The following PUDP variants were observed in gnomAD, a reference collection of about 807,000 sequenced individuals.
The protein encoded by PUDP is pseudouridine 5'-phosphatase.
PUDP carries 8 observed loss-of-function variants against 9.4 expected under a neutral mutation model. The observed-to-expected ratio is 0.85, with a 90% CI of 0.50 to 1.53. The LOEUF (loss-of-function observed/expected upper bound fraction) is 1.53. Among genes scored for constraint, PUDP ranks in the 40% most tolerant of loss-of-function variants. PUDP has a pLI of 0.00. For synonymous variants in PUDP, 99 were observed against 80.7 expected, an observed-to-expected ratio of 1.23 and a Z score of -1.22; for missense variants, 188 against 189.7, an observed-to-expected ratio of 0.99 and a Z score of 0.05.
intron 3 of PUDP, among the ~76,000 whole-genome samples, chrX:6,968,058 C>A (rs377690479): frequency 8.9e-5 from 10 of 112,354 alleles, no homozygotes; most frequent in African/African-American, 2.9e-4. Flanking sequence ...TTTGTTGAAC[C>A]TAAGTATAAA....
rs193157227 is a variant in PUDP, at chrX:7,067,826, G to A, written c.510+9394C>T. Among the ~76,000 whole-genome samples, 9 of 111,607 alleles carry A rather than the reference G, an allele frequency of 8.1e-5. No homozygotes were observed. The East Asian group carries it at 8.4e-4, about 10-fold the overall frequency. ...TTCCCACATGTTATGGGAGGGACTCGGTGGAAGGTAATTGAATCAGGGGGG... is the reference window on the plus strand; with the variant it reads ...TTCCCACATGTTATGGGAGGGACTCAGTGGAAGGTAATTGAATCAGGGGGG... On this transcript the variant is annotated intron_variant, in intron 3 of 3. Transcript: ENST00000381077.
chrX:6,832,915 T>A (rs1453696432), intron 3 of PUDP, among the ~76,000 whole-genome samples: 1 of 111,052 alleles, frequency 9.0e-6, no homozygotes, highest in Non-Finnish European at 1.9e-5. Flanking sequence ...TGAATCAAGA[T>A]CTGCCTTAGA....
intron 1 of PUDP, among the ~76,000 whole-genome samples, chrX:7,127,688 T>C (rs1247393921): frequency 8.9e-6 from 1 of 112,440 alleles, no homozygotes; most frequent in African/African-American, 3.2e-5. Flanking sequence ...TATTATTTTA[T>C]TACTTGTACT....
chrX:7,022,422 T>C (rs569593349), intron 1 of PUDP, among the ~76,000 whole-genome samples: 1 of 112,029 alleles, frequency 8.9e-6, no homozygotes, highest in Middle Eastern at 4.7e-3. Flanking sequence ...AGATTTCCCA[T>C]GGTAGCTACA....
intron 1 of PUDP, among the ~76,000 whole-genome samples, chrX:6,999,372 A>G (rs1929293881): frequency 8.9e-6 from 1 of 112,047 alleles, no homozygotes; most frequent in Admixed American, 9.5e-5. Context: ...GATTCCCTAC[A>G]TGGTGGAAAT....
intron 3 of PUDP, among the ~76,000 whole-genome samples, chrX:6,890,083 G>A: frequency 8.9e-6 from 1 of 111,736 alleles, no homozygotes; most frequent in South Asian, 3.7e-4. Flanking sequence ...AGGAAGACAA[G>A]AGAAAATATG....
chrX:6,957,721 G>A (rs752971900), intron 3 of PUDP, among the ~76,000 whole-genome samples: 4 of 112,408 alleles, frequency 3.6e-5, no homozygotes, highest in African/African-American at 9.7e-5. Context: ...TGGAAGAGCA[G>A]GCTAGAAAAA....
chrX:6,788,314 G>A (rs1046168138), intron 3 of PUDP, among the ~76,000 whole-genome samples: 2 of 112,207 alleles, frequency 1.8e-5, no homozygotes, highest in African/African-American at 6.5e-5. Flanking sequence ...TTTAAGGTCA[G>A]CTAGGCTGAG....
chrX:6,756,078 T>C (rs760191472), intron 3 of PUDP, among the ~76,000 whole-genome samples: 1 of 110,133 alleles, frequency 9.1e-6, no homozygotes, highest in South Asian at 3.9e-4. Context: ...GAGAAAGAGA[T>C]TCCCCATAAA....
chrX:7,009,835 C>CA (rs1234127401), intron 1 of PUDP, among the ~76,000 whole-genome samples: 100 of 110,346 alleles, frequency 9.1e-4, no homozygotes, highest in Admixed American at 2.3e-3. Flanking sequence ...TAAAGTATAA[C>CA]AAAAAAACGA....
At chrX:7,051,644 A>T (rs760475293) in intron 3 of PUDP, among the ~76,000 whole-genome samples, 53 of 112,562 alleles carry the variant, frequency 4.7e-4, no homozygotes, top group Non-Finnish European at 9.2e-4. Context: ...CACCACATTG[A>T]CAATGTTACA....
intron 1 of PUDP, among the ~76,000 whole-genome samples, chrX:7,144,646 G>A (rs1441166228): frequency 7.2e-5 from 8 of 111,061 alleles, no homozygotes; most frequent in East Asian, 2.8e-4. Flanking sequence ...AGGAAGCTAC[G>A]GGAGTGCAAA....
At chrX:6,810,226 T>C (rs761968926) in intron 3 of PUDP, among the ~76,000 whole-genome samples, 1 of 111,081 alleles carries the variant, frequency 9.0e-6, no homozygotes, top group Non-Finnish European at 1.9e-5. Flanking sequence ...TTGATAGTAG[T>C]AAAAGAAAAA....
intron 1 of PUDP, among the ~76,000 whole-genome samples, chrX:7,017,194 C>T (rs1384987569): frequency 1.8e-5 from 2 of 111,930 alleles, no homozygotes; most frequent in African/African-American, 6.5e-5. Flanking sequence ...TCTGAGTAGC[C>T]AGGAGAGCAT....
At chrX:6,766,603 A>G (rs1357893154) in intron 3 of PUDP, among the ~76,000 whole-genome samples, 1 of 111,932 alleles carries the variant, frequency 8.9e-6, no homozygotes, top group Non-Finnish European at 1.9e-5. Flanking sequence ...AACACTATAG[A>G]TATCCAAAAT....
chrX:6,996,066 T>C (rs1363541862), intron 1 of PUDP, among the ~76,000 whole-genome samples: 5 of 110,925 alleles, frequency 4.5e-5, no homozygotes, highest in African/African-American at 1.6e-4. Flanking sequence ...GCTTAGTTAT[T>C]TGAGGGCTTA....
chrX:6,834,617 C>A (rs182734662), intron 3 of PUDP, among the ~76,000 whole-genome samples: 11 of 111,856 alleles, frequency 9.8e-5, no homozygotes, highest in Middle Eastern at 4.6e-3. Flanking sequence ...AATTCATTGA[C>A]CTTCAGATAG....
chrX:6,768,536 A>G (rs1430181973), intron 3 of PUDP, among the ~76,000 whole-genome samples: 1 of 111,809 alleles, frequency 8.9e-6, no homozygotes, highest in Non-Finnish European at 1.9e-5. Context: ...CCCTTTGAAT[A>G]CTGTGGAGGC....
intron 3 of PUDP, among the ~76,000 whole-genome samples, chrX:6,954,063 G>A (rs1928591936): frequency 1.8e-5 from 2 of 110,242 alleles, no homozygotes; most frequent in Non-Finnish European, 3.8e-5. Context: ...TGTGAAGGAT[G>A]TGTTTTCTTC....
Sources: gnomAD v4.1 joint callset for allele counts (sites outside exome capture counted in the v4.1 genomes callset) on GRCh38, gnomAD v4.1.1 for gene constraint, MANE v1.5 for transcripts, NCBI Gene and HGNC (gene_info 2026-07-23, HGNC 2026-07-21) for gene names.